The following SLC1A2 variants were observed in gnomAD, a reference collection of about 807,000 sequenced individuals.
The protein encoded by SLC1A2 is solute carrier family 1 member 2, also known as excitatory amino acid transporter 2.
Under a neutral mutation model 48.8 loss-of-function variants are expected in SLC1A2, and 15 were observed. The ratio of observed to expected loss-of-function variants is 0.31; its 90% CI spans 0.21 to 0.47. The LOEUF (loss-of-function observed/expected upper bound fraction) is 0.47. Among genes scored for constraint, SLC1A2 ranks in the 20% least tolerant of loss-of-function variants. The pLI is 0.99. For synonymous variants in SLC1A2, 279 were observed against 272.6 expected, an observed-to-expected ratio of 1.02 and a Z score of -0.23; for missense variants, 502 against 730.5, an observed-to-expected ratio of 0.69 and a Z score of 3.61.
intron 1 of SLC1A2, among the ~76,000 whole-genome samples, chr11:35,413,533 G>T (rs1245955244): frequency 6.6e-6 from 1 of 152,156 alleles, no homozygotes; most frequent in African/African-American, 2.4e-5. Context: ...AAGGTTCTTT[G>T]TCATCAGATC....
intron 1 of SLC1A2, chr11:35,360,052 C>A (rs1049533925): frequency 1.6e-5 from 16 of 984,510 alleles, no homozygotes; most frequent in Non-Finnish European, 1.9e-5. Context: ...CCTGACCATT[C>A]TCTCGGCTCC....
intron 1 of SLC1A2, among the ~76,000 whole-genome samples, chr11:35,416,186 G>A (rs1855599561): frequency 6.6e-6 from 1 of 152,162 alleles, no homozygotes; most frequent in African/African-American, 2.4e-5. Flanking sequence ...CATATGCTCT[G>A]TACAGGCAAA....
intron 6 of SLC1A2, chr11:35,298,035 A>T (rs1851224573): frequency 6.6e-6 from 1 of 152,218 alleles, no homozygotes; most frequent in Non-Finnish European, 1.5e-5. Flanking sequence ...AAAGAAATTG[A>T]TGTAGGTATC....
At chr11:35,408,426 T>C (rs1394398533) in intron 1 of SLC1A2, among the ~76,000 whole-genome samples, 1 of 152,180 alleles carries the variant, frequency 6.6e-6, no homozygotes, top group Non-Finnish European at 1.5e-5. Flanking sequence ...GGTATTCTCG[T>C]GGTAGTGAAT....
intron 7 of SLC1A2, chr11:35,291,362 A>G (rs1046750087): frequency 1.2e-4 from 18 of 152,074 alleles, no homozygotes; most frequent in Non-Finnish European, 2.4e-4. Flanking sequence ...CCTAGGTTCA[A>G]GCAATTCTCC....
chr11:35,338,487 G>A (rs911306195), intron 1 of SLC1A2, among the ~76,000 whole-genome samples: 1 of 152,138 alleles, frequency 6.6e-6, no homozygotes, highest in African/African-American at 2.4e-5. Context: ...ATTTGTGGGT[G>A]ATCATGTGGA....
At chr11:35,265,406 A>G (rs536550530) in intron 10 of SLC1A2, 121 bp downstream of exon 10, 2 of 638,762 alleles carry the variant, frequency 3.1e-6, no homozygotes, top group East Asian at 5.2e-5. Context: ...GGGTTACATG[A>G]TTCTTTAGGA....
intron 1 of SLC1A2, among the ~76,000 whole-genome samples, chr11:35,375,545 C>A (rs1017541061): frequency 6.6e-6 from 1 of 152,216 alleles, no homozygotes; most frequent in Non-Finnish European, 1.5e-5. Context: ...GCAGGAGGCC[C>A]TGGAGATGGA....
At chr11:35,262,987 A>G (rs995954778) in intron 10 of SLC1A2, among the ~76,000 whole-genome samples, 1 of 152,216 alleles carries the variant, frequency 6.6e-6, no homozygotes, top group Non-Finnish European at 1.5e-5. Context: ...AGCAAGGACT[A>G]AAGATGCTAA....
rs572611261 is a variant in SLC1A2 at position 35,278,563 on chromosome 11, T to C, written c.1421+2304A>G. 5.5e-4 allele frequency among the ~76,000 whole-genome samples: 83 copies of C among 152,222 alleles called. No individual in the cohort carries two copies. The South Asian group carries it at 9.3e-3, about 17-fold the overall frequency. The stretch of plus-strand genomic sequence containing the variant: ...CAAAGTGCTGGGCACTTCTTATTTC[T>C]AACCTAAGCCCTGTTGTCTGCACCA... On this transcript the variant is annotated intron_variant, in intron 9 of 10. Coordinates refer to ENST00000278379, the MANE Select transcript of SLC1A2 (RefSeq NM_004171.4).
intron 5 of SLC1A2, among the ~76,000 whole-genome samples, chr11:35,304,372 T>C (rs1348013854): frequency 6.6e-6 from 1 of 152,098 alleles, no homozygotes; most frequent in Non-Finnish European, 1.5e-5. Flanking sequence ...TTTTAAGTTA[T>C]GACCCACCAG....
At chr11:35,365,376 C>A (rs917644842) in intron 1 of SLC1A2, among the ~76,000 whole-genome samples, 1 of 152,182 alleles carries the variant, frequency 6.6e-6, no homozygotes, top group Admixed American at 6.5e-5. Context: ...CTGAGGTCAG[C>A]ATTTCCAGCA....
intron 1 of SLC1A2, among the ~76,000 whole-genome samples, chr11:35,361,779 C>T (rs1853688377): frequency 6.6e-6 from 1 of 152,096 alleles, no homozygotes; most frequent in African/African-American, 2.4e-5. Flanking sequence ...GAGTTCAAGA[C>T]CACCCTGGAC....
chr11:35,290,708 A>G (rs771728102), intron 7 of SLC1A2, among the ~76,000 whole-genome samples: 68 of 104,530 alleles, frequency 6.5e-4, no homozygotes, highest in South Asian at 2.5e-3. Context: ...AAATTAAACC[A>G]GGTTGGGTTT....
intron 1 of SLC1A2, among the ~76,000 whole-genome samples, chr11:35,386,488 C>T (rs1156945763): frequency 1.3e-5 from 2 of 152,144 alleles, no homozygotes; most frequent in Non-Finnish European, 2.9e-5. Flanking sequence ...GAAAAGGCAT[C>T]AATATGTTAC....
intron 4 of SLC1A2, 51 bp from the exon 5 acceptor site, chr11:35,306,293 TG>T: frequency 1.4e-6 from 2 of 1,395,864 alleles, no homozygotes; most frequent in Non-Finnish European, 1.9e-6. Context: ...GCCTATAAGG[TG>T]AAAAAAAAAA....
chr11:35,296,855 C>T (rs11033061), intron 6 of SLC1A2, among the ~76,000 whole-genome samples: 32,738 of 151,840 alleles, frequency 0.22, 3,854 homozygotes, highest in Admixed American at 0.28. Context: ...TATTACTATT[C>T]GAATTAATAA....
intron 1 of SLC1A2, chr11:35,404,499 G>A (rs1855226973): frequency 6.6e-6 from 1 of 152,188 alleles, no homozygotes; most frequent in South Asian, 2.1e-4. Flanking sequence ...CCAGAGAGCT[G>A]GTCCCCGGTT....
intron 1 of SLC1A2, among the ~76,000 whole-genome samples, chr11:35,363,721 C>A (rs1045625754): frequency 6.6e-6 from 1 of 152,266 alleles, no homozygotes; most frequent in Middle Eastern, 3.4e-3. Flanking sequence ...TGCTCCAGGA[C>A]ACGTGGCTGA....
Sources: gnomAD v4.1 joint callset for allele counts (sites outside exome capture counted in the v4.1 genomes callset) on GRCh38, gnomAD v4.1.1 for gene constraint, MANE v1.5 for transcripts, NCBI Gene and HGNC (gene_info 2026-07-23, HGNC 2026-07-21) for gene names.